IL19: variants seen among roughly 807,000 people sequenced by gnomAD.
IL19 encodes the protein interleukin-19.
In IL19, 15 loss-of-function variants were observed where a neutral mutation model predicts 19.5. The ratio of observed to expected loss-of-function variants is 0.77; its 90% CI spans 0.52 to 1.19. The LOEUF is 1.19. IL19 is among the 50% of genes most tolerant of loss of function. IL19 has a pLI of 0.00. For synonymous variants in IL19, 78 were observed against 78.3 expected (o/e 1.00, Z 0.02); for missense variants, 199 against 213.1 (o/e 0.93, Z 0.41).
rs540478304 is a variant in IL19 at position 206,814,219 on chromosome 1, C to A, written c.-3+15213C>A. Among the ~76,000 whole-genome samples the A allele has an allele frequency of 1.6e-4, 25 of 152,050 alleles. No homozygotes were observed. The South Asian group carries it at 5.0e-3, about 30-fold the overall frequency. ...GAAGTTTTCAATAAAGACTCCTATA[C>A]TAAGTGTAAGTTTGAACGGCAATTA... is the stretch of plus-strand genomic sequence containing the variant. On this transcript the variant is annotated intron_variant, in intron 2 of 6. Coordinates refer to ENST00000659997, the MANE Select transcript of IL19 (RefSeq NM_153758.5).
chr1:206,799,024 T>C lies in IL19; in HGVS notation c.-3+18T>C. 1.3e-6 allele frequency: 2 copies of C among 1,525,160 alleles called. No homozygotes were observed. The highest frequency in any genetic ancestry group is 1.8e-6 in the Non-Finnish European group (2 of 1,099,100). 94.5% of individuals were successfully genotyped at this position (1,525,160 alleles called of 1,614,324 possible). ...TCCACGGGGTAAGTAATTTCTGCTA[T>C]AGGGACCCTGGATGTGGAGCCATTC... On this transcript the variant is annotated intron_variant, in intron 2 of 6. Transcript: ENST00000659997.
Position 206,839,843 on chromosome 1 carries a change from T to A in IL19, c.211-7T>A. 1 of 1,605,838 alleles carries A rather than the reference T, an allele frequency of 6.2e-7. No individual in the cohort carries two copies. The highest frequency in any genetic ancestry group is 1.3e-5 in the African/African-American group (1 of 74,680). ...GCCTCTAGTGTTTCCCTAATTTGTG[T>A]TTGTAGCCCTTAGATGTGTGCTGCG... On this transcript the variant is annotated splice_region_variant and splice_polypyrimidine_tract_variant and intron_variant, in intron 4 of 6. Transcript: ENST00000659997.
chr1:206,802,897 A>G (rs1269393450), intron 2 of IL19, among the ~76,000 whole-genome samples: 1 of 152,230 alleles, frequency 6.6e-6, no homozygotes, highest in Non-Finnish European at 1.5e-5. Flanking sequence ...AGGGGACAGG[A>G]AAGCAAGGGG....
chr1:206,793,520 G>A (rs752945367), intron 1 of IL19, among the ~76,000 whole-genome samples: 39 of 152,172 alleles, frequency 2.6e-4, no homozygotes, highest in Non-Finnish European at 4.7e-4. Context: ...ACCCTGCATC[G>A]CTCAGACCTC....
In IL19 at chr1:206,798,917, C is replaced by A. The variant is rs143483780; in HGVS notation, c.-92C>A. The A allele has an allele frequency of 1.1e-5, 18 of 1,613,358 alleles. No homozygotes were observed. In the East Asian group the frequency reaches 4.0e-4, roughly 36 times the overall value. On this transcript the variant is annotated 5_prime_UTR_variant, in exon 2 of 7. Transcript: ENST00000659997. Reference sequence around the variant, plus strand: ...AGAATGTGCACTGAGGGAGCGTTTCCGCACAGATCTGCGTGTTCCTTACCA... The same window carrying A: ...AGAATGTGCACTGAGGGAGCGTTTCAGCACAGATCTGCGTGTTCCTTACCA...
chr1:206,804,267 T>C (rs1019350477), intron 2 of IL19, among the ~76,000 whole-genome samples: 7 of 152,308 alleles, frequency 4.6e-5, no homozygotes, highest in Admixed American at 4.6e-4. Flanking sequence ...TTGGATAACA[T>C]CTGTCCGAGT....
At chr1:206,836,625 C>T in intron 2 of IL19, 36 bp from the exon 3 acceptor site, 1 of 1,569,280 alleles carries the variant, frequency 6.4e-7, no homozygotes, top group Non-Finnish European at 8.6e-7. Flanking sequence ...GCCCTCCACT[C>T]TTGGCTGGAC....
At chr1:206,830,106 T>C (rs1676551443) in intron 2 of IL19, among the ~76,000 whole-genome samples, 1 of 152,136 alleles carries the variant, frequency 6.6e-6, no homozygotes, top group Non-Finnish European at 1.5e-5. Flanking sequence ...CTCTACCTAA[T>C]CCTAGAGTGA....
chr1:206,783,837 C>T (rs1403789270), intron 1 of IL19, among the ~76,000 whole-genome samples: 1 of 152,180 alleles, frequency 6.6e-6, no homozygotes, highest in Non-Finnish European at 1.5e-5. Context: ...CCCTGTGCGG[C>T]AGTATCTATA....
At chr1:206,777,874 C>T (rs17015763) in intron 1 of IL19, among the ~76,000 whole-genome samples, 1,637 of 152,366 alleles carry the variant, frequency 0.011, 42 homozygotes, top group African/African-American at 0.038. Flanking sequence ...GAATAAGCTT[C>T]CTCAGCTCCT....
intron 4 of IL19, among the ~76,000 whole-genome samples, 173 bp from the exon 5 acceptor site, chr1:206,839,677 A>G (rs1676932455): frequency 6.6e-6 from 1 of 152,182 alleles, no homozygotes; most frequent in African/African-American, 2.4e-5. Context: ...TATTTTTGTC[A>G]TAAGTAGCTT....
chr1:206,782,352 AT>A (rs1006300837), intron 1 of IL19, among the ~76,000 whole-genome samples: 3 of 152,080 alleles, frequency 2.0e-5, no homozygotes, highest in African/African-American at 7.2e-5. Context: ...GAGCATAAGA[AT>A]TTTCCCCTGG....
At chr1:206,786,213 C>T (rs146320751) in intron 1 of IL19, among the ~76,000 whole-genome samples, 230 of 152,320 alleles carry the variant, frequency 1.5e-3, no homozygotes, top group Non-Finnish European at 2.7e-3. Context: ...AAATGCTTGT[C>T]ATAGTGCACG....
intron 1 of IL19, among the ~76,000 whole-genome samples, chr1:206,794,305 C>G (rs528963385): frequency 4.8e-4 from 73 of 152,308 alleles, no homozygotes; most frequent in African/African-American, 1.7e-3. Context: ...GCACGGCATA[C>G]AGTAGGCACT....
At chr1:206,821,864 T>A (rs976008233) in intron 2 of IL19, among the ~76,000 whole-genome samples, 1 of 152,160 alleles carries the variant, frequency 6.6e-6, no homozygotes, top group African/African-American at 2.4e-5. Flanking sequence ...AAATGAAAAC[T>A]CCTCACACTT....
chr1:206,791,786 C>T (rs1266482383), intron 1 of IL19, among the ~76,000 whole-genome samples: 3 of 152,202 alleles, frequency 2.0e-5, no homozygotes, highest in Non-Finnish European at 4.4e-5. Flanking sequence ...GCCCCGTTTT[C>T]TTAAAGGTAA....
intron 1 of IL19, among the ~76,000 whole-genome samples, chr1:206,780,430 T>A (rs1189378162): frequency 6.6e-6 from 1 of 152,230 alleles, no homozygotes; most frequent in Non-Finnish European, 1.5e-5. Flanking sequence ...TTCTTCCATC[T>A]CTTATAAAGT....
At chr1:206,832,944 T>A (rs1372224822) in intron 2 of IL19, among the ~76,000 whole-genome samples, 1 of 152,226 alleles carries the variant, frequency 6.6e-6, no homozygotes, top group Admixed American at 6.5e-5. Context: ...TCTCTGCCGG[T>A]GCCCTGTGGC....
rs1284718462 is a variant in IL19 at position 206,836,988 on chromosome 1, A to G, written c.175A>G (p.Ile59Val). The G allele has an allele frequency of 5.0e-6, 8 of 1,613,818 alleles. No individual in the cohort carries two copies. Among genetic ancestry groups the G allele is most frequent in the Middle Eastern group, 3.3e-4 (2 of 6,084 alleles). Residue 59 changes from isoleucine to valine, a missense_variant, in exon 4 of 7, where the codon ATC (isoleucine) becomes GTC (valine). Transcript: ENST00000659997. The stretch of plus-strand genomic sequence containing the variant: ...TAAGGACACCTTCCCAAATGTCACT[A>G]TCCTGTCCACATTGGAGACTCTGCA... ...QAKDTFPNVT[I>V]LSTLETLQII...
Sources: allele counts gnomAD v4.1 joint callset (sites outside exome capture counted in the v4.1 genomes callset), GRCh38; gene constraint gnomAD v4.1.1; transcripts MANE v1.5; gene names NCBI Gene and HGNC (gene_info 2026-07-23, HGNC 2026-07-21).